The following DNAH1 variants were observed in gnomAD, a reference collection of about 807,000 sequenced individuals.
DNAH1 encodes dynein axonemal heavy chain 1.
DNAH1 carries 327 observed loss-of-function variants against 484.3 expected under a neutral mutation model. The observed-to-expected ratio is 0.68, with a 90% confidence interval of 0.62 to 0.74. DNAH1 has a LOEUF of 0.74. DNAH1 is among the 30% of genes least tolerant of loss of function. The pLI, the probability that DNAH1 is intolerant of heterozygous loss-of-function variation, is 0.00. For synonymous variants in DNAH1, 2,192 were observed against 2,191.9 expected, an observed-to-expected ratio of 1.00 and a Z score of 0.00; for missense variants, 5,052 against 5,546.8, an observed-to-expected ratio of 0.91 and a Z score of 2.83.
chr3:52,394,507 A>G lies in DNAH1; in HGVS notation c.10669A>G (p.Met3557Val), dbSNP rs1186226439. The G allele has an allele frequency of 9.9e-6, 16 of 1,613,878 alleles. No homozygotes were observed. The highest frequency in any genetic ancestry group is 5.0e-5 in the Admixed American group (3 of 59,986). The change falls in exon 67 of 78, where the codon ATG becomes GTG. Residue 3557 changes from methionine to valine, a missense_variant. Coordinates refer to ENST00000420323, the MANE Select transcript of DNAH1 (RefSeq NM_015512.5). Reference protein sequence around the residue: ...YLLSGGSISIMTENPAPDWLS... With the variant: ...YLLSGGSISIVTENPAPDWLS... ...CCTGTCTGGGGGCTCCATCTCGATC[A>G]TGACTGAGAATCCGGCACCGGACTG...
In DNAH1 at chr3:52,367,218, C is replaced by T. The variant is rs528996504; in HGVS notation, c.5765+331C>T. ...CCTCTCCGGGCCCCTGCTCCCAGGC[C>T]GGGGTGTGCATTTTAGGGGAAGTGC... On this transcript the variant is annotated intron_variant, in intron 36 of 77. Transcript: ENST00000420323. Among the ~76,000 whole-genome samples the T allele has an allele frequency of 3.9e-5, 6 of 152,272 alleles. No homozygotes were observed. The South Asian group carries it at 8.3e-4, about 21-fold the overall frequency.
intron 8 of DNAH1, 107 bp from the exon 9 acceptor site, chr3:52,344,383 C>A: frequency 7.2e-7 from 1 of 1,380,320 alleles, no homozygotes. Context: ...AGAAGGGAAG[C>A]CCTAAATGCG....
At chr3:52,311,672 T>C (rs1415688493), upstream of DNAH1, among the ~76,000 whole-genome samples, 2 of 152,136 alleles carry the variant, frequency 1.3e-5, no homozygotes, top group Admixed American at 1.3e-4. Flanking sequence ...CACCCAGCAA[T>C]TATGGCTGGT....
At chr3:52,388,661 G>T (rs766158597) in intron 58 of DNAH1, 52 bp downstream of exon 58, 2 of 1,610,778 alleles carry the variant, frequency 1.2e-6, no homozygotes. Context: ...CCAGACAGGG[G>T]CCAGAAAGGA....
At chr3:52,322,382 C>A in intron 1 of DNAH1, 27 bp from the exon 2 acceptor site, 3 of 1,509,532 alleles carry the variant, frequency 2.0e-6, no homozygotes, top group Admixed American at 2.4e-5. Context: ...CTGGCAAGGG[C>A]TGACTGACGC....
At chr3:52,338,624 G>A (rs1375490328) in intron 8 of DNAH1, among the ~76,000 whole-genome samples, 1 of 152,118 alleles carries the variant, frequency 6.6e-6, no homozygotes, top group Admixed American at 6.6e-5. Flanking sequence ...CGTTTAAAAC[G>A]TGAAGGACAG....
At chr3:52,394,319 A>C in intron 66 of DNAH1, 146 bp from the exon 67 acceptor site, 1 of 758,776 alleles carries the variant, frequency 1.3e-6, no homozygotes, top group Admixed American at 2.9e-5. Context: ...TGGGAACACT[A>C]ACCCAGACCT....
At chr3:52,343,636 GTGTGGGC>G (rs1702028863) in intron 8 of DNAH1, among the ~76,000 whole-genome samples, 1 of 152,160 alleles carries the variant, frequency 6.6e-6, no homozygotes, top group Non-Finnish European at 1.5e-5. Context: ...TCTGGTGCAA[GTGTGGGC>G]TGCAGGAAAC....
chr3:52,363,372 G>A (rs1292791912), intron 32 of DNAH1, among the ~76,000 whole-genome samples: 2 of 152,268 alleles, frequency 1.3e-5, no homozygotes, highest in African/African-American at 4.8e-5. Context: ...GTACACAGCA[G>A]CGCTGGAGCA....
Position 52,398,947 on chromosome 3 carries a change from G to A in DNAH1, c.12187G>A (p.Ala4063Thr). ...VVMSSQLELM[A>T]ASLYNNTVPE... ...GATGTCCTCTCAGCTGGAGCTGATG[G>A]CTGCCAGCCTGTACAACAATACTGT... The change falls in exon 76 of 78, where the codon GCT (alanine) becomes ACT (threonine). Residue 4063 changes from alanine (A) to threonine (T), a missense_variant. This residue lies in a region of DNAH1 where 853 missense variants were observed against 899.0 expected (regional missense o/e 0.95). Coordinates refer to ENST00000420323, the MANE Select transcript of DNAH1 (RefSeq NM_015512.5). The A allele has an allele frequency of 6.2e-7, 1 of 1,613,528 alleles. No individual in the cohort carries two copies. The highest frequency in any genetic ancestry group is 8.5e-7 in the Non-Finnish European group (1 of 1,179,564).
At chr3:52,371,120 C>A (rs1348153428) in intron 41 of DNAH1, among the ~76,000 whole-genome samples, 2 of 152,240 alleles carry the variant, frequency 1.3e-5, no homozygotes, top group Non-Finnish European at 2.9e-5. Flanking sequence ...GATGCGGAGC[C>A]CAGGGACTGG....
Position 52,358,507 on chromosome 3 carries a change from G to T in DNAH1, c.4087-51G>T. On this transcript the variant is annotated intron_variant, in intron 24 of 77. Coordinates refer to ENST00000420323, the MANE Select transcript of DNAH1 (RefSeq NM_015512.5). The surrounding 1 kb of genome is among the most constrained non-coding windows in gnomAD (Gnocchi z 4.2). ...TAGCGCTGGGGCTGTGGTGGCCAGG[G>T]CATCTGGGCACACCAGGGTGACCCC... is the stretch of plus-strand genomic sequence containing the variant. 1 of 1,539,672 alleles carries T rather than the reference G, an allele frequency of 6.5e-7. No individual in the cohort carries two copies. Among genetic ancestry groups the T allele is most frequent in the East Asian group, 2.4e-5 (1 of 41,288 alleles).
At chr3:52,375,772 A>T (rs1184475809) in intron 45 of DNAH1, among the ~76,000 whole-genome samples, 183 bp from the exon 46 acceptor site, 2 of 152,188 alleles carry the variant, frequency 1.3e-5, no homozygotes, top group African/African-American at 4.8e-5. Flanking sequence ...TGGGGAAGGC[A>T]TGTTACTTTT....
rs756707793 is a variant in DNAH1 at position 52,356,707 on chromosome 3, G to C, written c.3787G>C (p.Glu1263Gln). The C allele has an allele frequency of 1.2e-6, 2 of 1,613,934 alleles. No homozygotes were observed. The highest frequency in any genetic ancestry group is 1.7e-6 in the Non-Finnish European group (2 of 1,179,874). The change falls in exon 22 of 78, where the codon GAG becomes CAG. Residue 1263 changes from glutamate (E) to glutamine (Q), a missense_variant. Glu to Gln is a conservative substitution (Grantham distance 29). Transcript: ENST00000420323. ...GGACATCAACCAGCAGCTGCCTGTG[G>C]AGAGCAAGCGCTACCAGACCATGGA... is the stretch of plus-strand genomic sequence containing the variant. ...SEDINQQLPV[E>Q]SKRYQTMERI...
intron 1 of DNAH1, among the ~76,000 whole-genome samples, chr3:52,318,765 G>A (rs920532629): frequency 6.6e-6 from 1 of 152,218 alleles, no homozygotes; most frequent in Non-Finnish European, 1.5e-5. Context: ...TCAAAACGGT[G>A]GAGAGAACCC....
chr3:52,334,622 C>A (rs1300455218), intron 8 of DNAH1, among the ~76,000 whole-genome samples: 2 of 151,892 alleles, frequency 1.3e-5, no homozygotes, highest in Admixed American at 1.3e-4. Context: ...AACCCCATCT[C>A]TACTAAAAAA....
rs1244509350 is a variant in DNAH1 at position 52,362,420 on chromosome 3, C to T, written c.5013C>T (p.Ile1671=). 1 of 1,613,828 alleles carries T rather than the reference C, an allele frequency of 6.2e-7. No homozygotes were observed. The highest frequency in any genetic ancestry group is 1.3e-5 in the African/African-American group (1 of 74,940). ...GCTTCATGTTTGAGGGTGTGGAGATCCCACTGGTGCCATCCTGCGCAGTGT... is the reference window on the plus strand; with the variant it reads ...GCTTCATGTTTGAGGGTGTGGAGATTCCACTGGTGCCATCCTGCGCAGTGT... ...VERFMFEGVE[I]PLVPSCAVFI... is the part of the protein sequence containing the mutation. The change falls in exon 31 of 78, where the codon ATC becomes ATT. Residue 1671 remains isoleucine (I), a synonymous_variant. Transcript: ENST00000420323. This position sits in a 1 kb window ranked among gnomAD's most constrained non-coding sequence, Gnocchi z 5.1.
rs900136507 is a variant in DNAH1, at chr3:52,379,810, C to T, written c.7378-95C>T. On this transcript the variant is annotated intron_variant, in intron 47 of 77. Transcript: ENST00000420323. The surrounding 1 kb of genome is among the most constrained non-coding windows in gnomAD (Gnocchi z 4.4). ...GAGAGCCAGGCTCCAGTCAGGGCCC[C>T]AGGAACTGGGGCCCACCCTCCCTTG... 1.6e-5 allele frequency: 18 copies of T among 1,144,012 alleles called. No individual in the cohort carries two copies. The South Asian group carries it at 2.2e-4, about 14-fold the overall frequency. 70.9% of individuals were successfully genotyped at this position (1,144,012 alleles called of 1,614,324 possible).
At chr3:52,346,793 C>T in intron 11 of DNAH1, 23 bp downstream of exon 11, 2 of 1,584,252 alleles carry the variant, frequency 1.3e-6, no homozygotes, top group Non-Finnish European at 1.7e-6. Context: ...GGGGCGGAGG[C>T]ACCTGTTGAC....
Sources: gnomAD v4.1 joint callset for allele counts (sites outside exome capture counted in the v4.1 genomes callset) on GRCh38, gnomAD v4.1.1 for gene constraint, gnomAD v4.1.1 regional missense constraint, Gnocchi (gnomAD v3.1) non-coding constraint, MANE v1.5 for transcripts, NCBI Gene and HGNC (gene_info 2026-07-23, HGNC 2026-07-21) for gene names.